LRRTM4: variants seen among roughly 807,000 people sequenced by gnomAD.
LRRTM4 encodes leucine-rich repeat transmembrane neuronal protein 4.
LRRTM4 carries 25 observed loss-of-function variants against 47.6 expected under a neutral mutation model. The observed-to-expected ratio is 0.53, with a 90% CI of 0.38 to 0.73. The LOEUF (loss-of-function observed/expected upper bound fraction) is 0.73. LRRTM4 is among the 30% of genes least tolerant of loss of function. LRRTM4 has a pLI of 0.00. For missense variants in LRRTM4, 638 were observed against 713.4 expected, an observed-to-expected ratio of 0.89 and a Z score of 1.20; for synonymous variants, 311 against 269.5, an observed-to-expected ratio of 1.15 and a Z score of -1.51.
chr2:77,362,729 G>C (rs1212719774), intron 3 of LRRTM4, among the ~76,000 whole-genome samples: 1 of 152,044 alleles, frequency 6.6e-6, no homozygotes, highest in Admixed American at 6.5e-5. Context: ...TAAGACTGTG[G>C]CTACTCCTTC....
intron 3 of LRRTM4, among the ~76,000 whole-genome samples, chr2:76,982,085 C>T (rs1212067954): frequency 2.6e-5 from 4 of 152,012 alleles, no homozygotes; most frequent in Non-Finnish European, 4.4e-5. Context: ...AAGTTCTTAA[C>T]CCTAGGCCAT....
chr2:76,873,506 G>GTGTGTATATATATA (rs367573475), intron 3 of LRRTM4, among the ~76,000 whole-genome samples: 41 of 112,302 alleles, frequency 3.7e-4, no homozygotes, highest in East Asian at 7.6e-4. Flanking sequence ...ATATATGTGT[G>GTGTGTATATATATA]TATATATATA....
chr2:76,921,519 C>T (rs1281072038), intron 3 of LRRTM4, among the ~76,000 whole-genome samples: 1 of 151,982 alleles, frequency 6.6e-6, no homozygotes, highest in Admixed American at 6.6e-5. Flanking sequence ...ATTTGAGGAA[C>T]TAAGCCTAAC....
rs1458048625 is a variant in LRRTM4 at position 77,519,653 on chromosome 2, G to T, written c.216C>A (p.Ser72Arg). Residue 72 changes from serine to arginine, a missense_variant, in exon 3 of 4, where the codon AGC (serine) becomes AGA (arginine). Physicochemically the swap from Ser to Arg is moderately radical, Grantham distance 110 (BLOSUM62 -1). Coordinates refer to ENST00000409884, the MANE Select transcript of LRRTM4 (RefSeq NM_001134745.3). The surrounding 1 kb of genome is among the most constrained non-coding windows in gnomAD (Gnocchi z 4.6). ...ACTGATTGGATTTGAGCTTCTGAATGCTGTTGAACCTTAATGATAAGCCTT... is the reference window on the plus strand; with the variant it reads ...ACTGATTGGATTTGAGCTTCTGAATTCTGTTGAACCTTAATGATAAGCCTT... ...GSQGLSLRFN[S>R]IQKLKSNQFA... 1.2e-6 allele frequency: 2 copies of T among 1,613,456 alleles called. No individual in the cohort carries two copies. The highest frequency in any genetic ancestry group is 1.7e-6 in the Non-Finnish European group (2 of 1,179,618).
intron 3 of LRRTM4, among the ~76,000 whole-genome samples, chr2:76,946,490 T>A (rs1321099175): frequency 3.3e-5 from 5 of 151,802 alleles, no homozygotes; most frequent in Non-Finnish European, 5.9e-5. Flanking sequence ...GAAATGATGC[T>A]ATAGACTAGA....
chr2:77,371,634 T>C (rs1330273997), intron 3 of LRRTM4, among the ~76,000 whole-genome samples: 1 of 151,598 alleles, frequency 6.6e-6, no homozygotes, highest in Non-Finnish European at 1.5e-5. Context: ...TAAGCCATGC[T>C]TTACTCCGGT....
chr2:77,517,771 A>G (rs747293259), intron 3 of LRRTM4: 39 of 985,200 alleles, frequency 4.0e-5, no homozygotes, highest in Non-Finnish European at 4.5e-5. Context: ...CTATGCTGGT[A>G]TAATAACTAA....
chr2:77,258,861 A>G (rs1675840115), intron 3 of LRRTM4, among the ~76,000 whole-genome samples: 1 of 152,018 alleles, frequency 6.6e-6, no homozygotes, highest in Non-Finnish European at 1.5e-5. Context: ...AGAATAATAT[A>G]AGAGTGATAT....
chr2:77,357,638 G>T (rs1251289457), intron 3 of LRRTM4, among the ~76,000 whole-genome samples: 2 of 152,152 alleles, frequency 1.3e-5, no homozygotes, highest in Non-Finnish European at 2.9e-5. Context: ...GCATTTAAAA[G>T]ACATGGTGTC....
chr2:77,521,563 G>A (rs1025866159), intron 2 of LRRTM4, 105 bp downstream of exon 2: 3 of 1,311,804 alleles, frequency 2.3e-6, no homozygotes, highest in East Asian at 2.3e-5. Flanking sequence ...AAAGGCTGCT[G>A]CTCTTTGCCT....
intron 3 of LRRTM4, among the ~76,000 whole-genome samples, chr2:77,051,673 T>C (rs1005843216): frequency 4.6e-5 from 7 of 152,316 alleles, no homozygotes; most frequent in African/African-American, 1.7e-4. Context: ...ACAGCAAACT[T>C]TTAAAAGTCC....
chr2:76,908,039 A>G (rs1487823748), intron 3 of LRRTM4, among the ~76,000 whole-genome samples: 1 of 152,054 alleles, frequency 6.6e-6, no homozygotes, highest in Non-Finnish European at 1.5e-5. Flanking sequence ...AGACACAGCC[A>G]AAAAACAGAA....
chr2:77,222,030 C>T (rs1674650831), intron 3 of LRRTM4, among the ~76,000 whole-genome samples: 1 of 152,026 alleles, frequency 6.6e-6, no homozygotes, highest in Admixed American at 6.6e-5. Context: ...TGCAATCAAA[C>T]TAGAACTCAG....
intron 3 of LRRTM4, among the ~76,000 whole-genome samples, chr2:77,040,926 T>C (rs1383420888): frequency 6.6e-6 from 1 of 151,580 alleles, no homozygotes; most frequent in Non-Finnish European, 1.5e-5. Context: ...TTGTCATTTC[T>C]TTATGAGGAC....
At chr2:76,814,160 A>C (rs911497843) in intron 3 of LRRTM4, among the ~76,000 whole-genome samples, 4 of 152,102 alleles carry the variant, frequency 2.6e-5, no homozygotes, top group African/African-American at 9.7e-5. Flanking sequence ...TTTTTGGTAA[A>C]ATACCATTTT....
chr2:77,476,964 A>ATGTGTGTGTG lies in LRRTM4; in HGVS notation c.1551+41344_1551+41353dup, dbSNP rs59247356. Among the ~76,000 whole-genome samples the ATGTGTGTGTG allele has an allele frequency of 3.6e-3, 524 of 143,882 alleles. 5 individuals carry two copies. Among genetic ancestry groups the ATGTGTGTGTG allele is most frequent in the East Asian group, 0.028 (136 of 4,918 alleles). The allele number at this position is 143,882 out of a possible 152,430, so 94.4% of individuals were successfully genotyped here. On this transcript the variant is annotated intron_variant, in intron 3 of 3. Coordinates refer to ENST00000409884, the MANE Select transcript of LRRTM4 (RefSeq NM_001134745.3). ...ATTATGTATAATAAATTTGTAAGAGATGTGTGTGTGTGTGTGTGTGTGTGT... is the reference window on the plus strand; with the variant it reads ...ATTATGTATAATAAATTTGTAAGAGATGTGTGTGTGTGTGTGTGTGTGTGTGTGTGTGTGT...
intron 3 of LRRTM4, among the ~76,000 whole-genome samples, chr2:77,035,210 C>A (rs1399127691): frequency 2.6e-5 from 4 of 151,644 alleles, no homozygotes; most frequent in African/African-American, 4.8e-5. Flanking sequence ...TATCCCTCCC[C>A]TTCCCCCCAC....
intron 3 of LRRTM4, among the ~76,000 whole-genome samples, chr2:76,923,499 A>T (rs558729240): frequency 2.0e-5 from 3 of 152,182 alleles, no homozygotes; most frequent in African/African-American, 7.2e-5. Flanking sequence ...GTCCTTTTTC[A>T]TTTCTGTCAT....
At chr2:77,129,275 C>CTATT (rs1558594403) in intron 3 of LRRTM4, among the ~76,000 whole-genome samples, 3 of 152,108 alleles carry the variant, frequency 2.0e-5, no homozygotes, top group Non-Finnish European at 4.4e-5. Flanking sequence ...ATTAGCAACC[C>CTATT]AGAGTGGTAA....
Sources: gnomAD v4.1 joint callset for allele counts (sites outside exome capture counted in the v4.1 genomes callset) on GRCh38, gnomAD v4.1.1 for gene constraint, Gnocchi (gnomAD v3.1) non-coding constraint, MANE v1.5 for transcripts, NCBI Gene and HGNC (gene_info 2026-07-23, HGNC 2026-07-21) for gene names.